The following SYCP2L variants were observed in gnomAD, a reference collection of about 807,000 sequenced individuals.
The protein encoded by SYCP2L is synaptonemal complex protein 2-like.
SYCP2L carries 98 observed loss-of-function variants against 125.8 expected under a neutral mutation model. That is an observed-to-expected ratio of 0.78 (90% CI 0.66 to 0.92). SYCP2L has a LOEUF of 0.92. Among genes scored for constraint, SYCP2L ranks in the 40% least tolerant of loss-of-function variants. SYCP2L has a pLI of 0.00. For synonymous variants in SYCP2L, 317 were observed against 325.4 expected, an observed-to-expected ratio of 0.97 and a Z score of 0.28; for missense variants, 842 against 936.4, an observed-to-expected ratio of 0.90 and a Z score of 1.32.
At chr6:10,893,172 A>T (rs921652871) in intron 2 of SYCP2L, among the ~76,000 whole-genome samples, 3 of 152,096 alleles carry the variant, frequency 2.0e-5, no homozygotes, top group African/African-American at 7.2e-5. Flanking sequence ...CTAATTTTGT[A>T]TTGTTGGTAG....
intron 23 of SYCP2L, among the ~76,000 whole-genome samples, chr6:10,946,701 CCAGT>C (rs1489490489): frequency 1.3e-5 from 2 of 152,106 alleles, no homozygotes; most frequent in East Asian, 3.9e-4. Context: ...TGTCAATCTA[CCAGT>C]CATTCTTCAA....
At chr6:10,930,326 C>T in intron 18 of SYCP2L, 44 bp from the exon 19 acceptor site, 1 of 1,587,800 alleles carries the variant, frequency 6.3e-7, no homozygotes, top group South Asian at 1.2e-5. Context: ...ATAAGAGGCA[C>T]TAACACCCCT....
chr6:10,931,478 GAGAA>G lies in SYCP2L; in HGVS notation c.1676_1679del (p.Lys559ThrfsTer36), dbSNP rs773101015. On this transcript the variant is annotated frameshift_variant, in exon 20 of 30. Coordinates refer to ENST00000283141, the MANE Select transcript of SYCP2L (RefSeq NM_001040274.3). LOFTEE classifies it high-confidence loss of function. ...CCCTCCCAGTAGTGGCAGTGGCCATGAGAAAGACCAAGTAAGTACATTGTATCTG... is the reference window on the plus strand; with the variant it reads ...CCCTCCCAGTAGTGGCAGTGGCCATGAGACCAAGTAAGTACATTGTATCTG... The G allele has an allele frequency of 2.6e-5, 42 of 1,614,052 alleles. No individual in the cohort carries two copies. Among genetic ancestry groups the G allele is most frequent in the Non-Finnish European group, 3.3e-5 (39 of 1,180,002 alleles).
chr6:10,910,813 G>T lies in SYCP2L; in HGVS notation c.873-11G>T. On this transcript the variant is annotated splice_polypyrimidine_tract_variant and intron_variant, in intron 11 of 29. Transcript: ENST00000283141. ...CATGTTTTATTTTTTTAATTGTGAG[G>T]TATTTTGCAGGGTGTATTCATTTCC... is the stretch of plus-strand genomic sequence containing the variant. 9.9e-6 allele frequency: 16 copies of T among 1,613,780 alleles called. No homozygotes were observed. Among genetic ancestry groups the T allele is most frequent in the Non-Finnish European group, 1.3e-5 (15 of 1,179,808 alleles).
chr6:10,959,761 T>C (rs1032413941), intron 26 of SYCP2L, among the ~76,000 whole-genome samples: 7 of 150,304 alleles, frequency 4.7e-5, no homozygotes, highest in Non-Finnish European at 8.9e-5. Flanking sequence ...CCCAGCTACT[T>C]GGGAGGCTGA....
intron 24 of SYCP2L, 50 bp downstream of exon 24, chr6:10,955,267 G>A: frequency 8.7e-7 from 1 of 1,148,628 alleles, no homozygotes; most frequent in Non-Finnish European, 1.3e-6. Context: ...GGATAAATGG[G>A]TCAGCACAGG....
intron 8 of SYCP2L, among the ~76,000 whole-genome samples, chr6:10,905,603 T>C (rs1426116117): frequency 6.6e-6 from 1 of 152,198 alleles, no homozygotes; most frequent in Non-Finnish European, 1.5e-5. Flanking sequence ...AGATTAGTTT[T>C]TAAAATCAGA....
At chr6:10,915,014 G>A (rs566063354) in intron 14 of SYCP2L, among the ~76,000 whole-genome samples, 1 of 152,090 alleles carries the variant, frequency 6.6e-6, no homozygotes, top group South Asian at 2.1e-4. Flanking sequence ...CCAAAGTTCT[G>A]GGATTACAGG....
chr6:10,958,847 A>T lies in SYCP2L; in HGVS notation c.2227A>T (p.Lys743Ter). 6.2e-7 allele frequency: 1 copy of T among 1,613,990 alleles called. No homozygotes were observed. Among genetic ancestry groups the T allele is most frequent in the Non-Finnish European group, 8.5e-7 (1 of 1,179,968 alleles). Residue 743 changes from lysine to a stop codon, truncating the protein, a stop_gained, in exon 26 of 30, where the codon AAA becomes TAA. Transcript: ENST00000283141. LOFTEE classifies it high-confidence loss of function. The stretch of plus-strand genomic sequence containing the variant: ...AAAGAAAGCACCGGATTGCCTAATA[A>T]AACTTTTAAACCAGATGCAACTGTT... ...NAKKAPDCLI[K>*]LLNQMQLFRL...
intron 29 of SYCP2L, among the ~76,000 whole-genome samples, chr6:10,967,423 C>T (rs963706411): frequency 1.4e-5 from 2 of 145,866 alleles, no homozygotes; most frequent in African/African-American, 5.0e-5. Flanking sequence ...AAATATACTC[C>T]ACCAGTATTA....
rs1343772135 is a variant in SYCP2L at position 10,930,441 on chromosome 6, C to T, written c.1560C>T (p.Thr520=). 9 of 1,613,568 alleles carry T rather than the reference C, an allele frequency of 5.6e-6. No individual in the cohort carries two copies. The highest frequency in any genetic ancestry group is 7.6e-6 in the Non-Finnish European group (9 of 1,179,738). Residue 520 remains threonine, a synonymous_variant, in exon 19 of 30, where the codon ACC becomes ACT. Coordinates refer to ENST00000283141, the MANE Select transcript of SYCP2L (RefSeq NM_001040274.3). ...QDSSTSELSW[T]SNQKKKSLKS... ...CAAGTACCAGTGAACTATCTTGGAC[C>T]AGTAACCAGAAAAAGAAATCCCTAA...
At chr6:10,925,326 G>A (rs536524359) in intron 15 of SYCP2L, among the ~76,000 whole-genome samples, 1 of 152,176 alleles carries the variant, frequency 6.6e-6, no homozygotes, top group South Asian at 2.1e-4. Context: ...AGATTTGGGT[G>A]GGGACACAGC....
intron 4 of SYCP2L, 115 bp from the exon 5 acceptor site, chr6:10,897,896 G>T: frequency 1.4e-6 from 1 of 729,386 alleles, no homozygotes. Flanking sequence ...AAATGGAATG[G>T]AATGGGAAAA....
At chr6:10,900,350 TTTC>T (rs1043835329) in intron 6 of SYCP2L, among the ~76,000 whole-genome samples, 3 of 151,536 alleles carry the variant, frequency 2.0e-5, no homozygotes, top group Non-Finnish European at 4.4e-5. Context: ...TTCTTTTTCT[TTTC>T]TTTTCTTTTT....
At chr6:10,958,420 C>G (rs902845457) in intron 25 of SYCP2L, among the ~76,000 whole-genome samples, 1 of 152,040 alleles carries the variant, frequency 6.6e-6, no homozygotes, top group African/African-American at 2.4e-5. Context: ...TGTCATGACT[C>G]GCTGTTGTGA....
chr6:10,937,509 C>G (rs905658729), intron 21 of SYCP2L, among the ~76,000 whole-genome samples: 1 of 151,992 alleles, frequency 6.6e-6, no homozygotes, highest in African/African-American at 2.4e-5. Flanking sequence ...TAACTTCACC[C>G]CTCAAGAAAC....
chr6:10,943,978 T>C (rs886510069), intron 23 of SYCP2L, among the ~76,000 whole-genome samples: 22 of 152,214 alleles, frequency 1.4e-4, no homozygotes, highest in Admixed American at 3.9e-4. Flanking sequence ...ATTTTTGCAA[T>C]TTGGGTTGTT....
chr6:10,907,483 A>AT, intron 9 of SYCP2L, 59 bp from the exon 10 acceptor site: 2 of 1,520,594 alleles, frequency 1.3e-6, no homozygotes, highest in Non-Finnish European at 1.8e-6. Context: ...TCTGGAACTC[A>AT]TTTTTTCTTT....
At chr6:10,906,414 T>G (rs1274957800) in intron 9 of SYCP2L, among the ~76,000 whole-genome samples, 2 of 152,204 alleles carry the variant, frequency 1.3e-5, no homozygotes, top group African/African-American at 4.8e-5. Context: ...CATATTTTTC[T>G]ACTTTTACTC....
Sources: allele counts gnomAD v4.1 joint callset (sites outside exome capture counted in the v4.1 genomes callset), GRCh38; gene constraint gnomAD v4.1.1; transcripts MANE v1.5; gene names NCBI Gene and HGNC (gene_info 2026-07-23, HGNC 2026-07-21).